Variants in PDHA1 observed in about 807,000 individuals in gnomAD.
PDHA1 encodes pyruvate dehydrogenase E1 subunit alpha 1.
A neutral mutation model predicts 33.0 loss-of-function variants in PDHA1; 1 was observed. That is an observed-to-expected ratio of 0.03 (90% CI 0.01 to 0.14). The LOEUF is 0.14. Among genes scored for constraint, PDHA1 ranks in the 10% least tolerant of loss-of-function variants. The probability of loss-of-function intolerance (pLI) is 1.00; values close to 1 mark genes in which losing one functional copy is unlikely to be tolerated. For synonymous variants in PDHA1, 123 were observed against 119.2 expected (o/e 1.03, Z -0.21); for missense variants, 168 against 325.1 (o/e 0.52, Z 3.72).
chrX:19,357,617 CCTAA>C (rs759125297), intron 8 of PDHA1, 31 bp from the exon 9 acceptor site: 344 of 1,148,444 alleles, frequency 3.0e-4, no homozygotes, highest in Admixed American at 6.1e-4. Context: ...AGTCATCGTT[CCTAA>C]CTAACTAACT....
chrX:19,360,798 G>GA lies in PDHA1; in HGVS notation c.*1146dup. On this transcript the variant is annotated 3_prime_UTR_variant, in exon 11 of 11. Coordinates refer to ENST00000422285, the MANE Select transcript of PDHA1 (RefSeq NM_000284.4). ...GGCCTCCTGAGCCCTTCTGTACTGGGAGACCGCACTCCAGAGTCTGCAGAG... is the reference window on the plus strand; with the variant it reads ...GGCCTCCTGAGCCCTTCTGTACTGGGAAGACCGCACTCCAGAGTCTGCAGAG... The GA allele has an allele frequency of 8.3e-7, 1 of 1,209,272 alleles. No individual in the cohort carries two copies. The highest frequency in any genetic ancestry group is 1.1e-6 in the Non-Finnish European group (1 of 894,486).
chrX:19,355,019 A>T (rs2063186061), intron 6 of PDHA1, among the ~76,000 whole-genome samples: 4 of 112,712 alleles, frequency 3.5e-5, no homozygotes, highest in Non-Finnish European at 7.5e-5. Flanking sequence ...CTAGAGGCTG[A>T]TTCTTAGGTG....
Position 19,359,015 on chromosome X carries a change from A to C in PDHA1, c.999A>C (p.Glu333Asp), listed in dbSNP as rs2228067. 2.1e-4 allele frequency: 236 copies of C among 1,148,669 alleles called. No homozygotes were observed. The African/African-American group carries it at 3.5e-3, about 17-fold the overall frequency. The allele number at this position is 1,148,669 out of a possible 1,213,427, so 94.7% of individuals were successfully genotyped here. A position where few individuals can be genotyped will look rare whatever the true frequency, so the allele number is the denominator to read the frequency against. ...TGAACAGCAATCTTGCCAGTGTGGAAGAACTAAAGGTACAGTCACTTGTTC... is the reference window on the plus strand; with the variant it reads ...TGAACAGCAATCTTGCCAGTGTGGACGAACTAAAGGTACAGTCACTTGTTC... ...RMVNSNLASV[E>D]ELKEIDVEVR... Residue 333 changes from glutamate to aspartate, a missense_variant, in exon 10 of 11, where the codon GAA becomes GAC. Coordinates refer to ENST00000422285, the MANE Select transcript of PDHA1 (RefSeq NM_000284.4).
At chrX:19,358,707 T>G (rs1465911659) in intron 9 of PDHA1, among the ~76,000 whole-genome samples, 1 of 112,027 alleles carries the variant, frequency 8.9e-6, no homozygotes, top group Admixed American at 9.5e-5. Flanking sequence ...TTACAGAATG[T>G]TAGGCTGCGT....
chrX:19,355,022 C>A (rs1036651816), intron 6 of PDHA1, among the ~76,000 whole-genome samples: 1 of 112,739 alleles, frequency 8.9e-6, no homozygotes, highest in African/African-American at 3.2e-5. Context: ...GAGGCTGATT[C>A]TTAGGTGCTG....
chrX:19,359,971 T>C lies in PDHA1; in HGVS notation c.*318T>C. 6.5e-6 allele frequency: 2 copies of C among 306,757 alleles called. No homozygotes were observed. Among genetic ancestry groups the C allele is most frequent in the Non-Finnish European group, 1.2e-5 (2 of 168,873 alleles). The allele number at this position is 306,757 out of a possible 1,213,427, so 25.3% of individuals were successfully genotyped here. Reference sequence around the variant, plus strand: ...CCACCTTTTTGGGAGGAGACCATTATGGCGGGGCCCCTCACAGCATTCTAC... The same window carrying C: ...CCACCTTTTTGGGAGGAGACCATTACGGCGGGGCCCCTCACAGCATTCTAC... On this transcript the variant is annotated 3_prime_UTR_variant, in exon 11 of 11. Transcript: ENST00000422285.
At position 19,359,981 on chromosome X, in the gene PDHA1, C is replaced by G. The variant is rs2063259040; in HGVS notation, c.*328C>G. 2 of 297,515 alleles carry G rather than the reference C, an allele frequency of 6.7e-6. No individual in the cohort carries two copies. The highest frequency in any genetic ancestry group is 1.2e-5 in the Non-Finnish European group (2 of 163,872). 24.5% of individuals were successfully genotyped at this position (297,515 alleles called of 1,213,427 possible). ...GGGAGGAGACCATTATGGCGGGGCC[C>G]CTCACAGCATTCTACCAACCATAGC... On this transcript the variant is annotated 3_prime_UTR_variant, in exon 11 of 11. Transcript: ENST00000422285.
At chrX:19,344,188 G>C (rs2147168857) in intron 1 of PDHA1, 94 bp downstream of exon 1, 1 of 775,897 alleles carries the variant, frequency 1.3e-6, no homozygotes, top group Admixed American at 2.9e-5. Context: ...CCAGAGCGGG[G>C]TGGAAGGCGC....
chrX:19,344,097 G>A lies in PDHA1; in HGVS notation c.57+3G>A. On this transcript the variant is annotated splice_donor_region_variant and intron_variant, in intron 1 of 10. Coordinates refer to ENST00000422285, the MANE Select transcript of PDHA1 (RefSeq NM_000284.4). The stretch of plus-strand genomic sequence containing the variant: ...TGTCTGGCGCTTCTCAGAAGCCGGT[G>A]AGACCTCCCGGGCGGGCCGGGATGG... The A allele has an allele frequency of 8.3e-7, 1 of 1,200,513 alleles. No homozygotes were observed. Among genetic ancestry groups the A allele is most frequent in the African/African-American group, 1.7e-5 (1 of 57,777 alleles).
chrX:19,359,699 T>G lies in PDHA1; in HGVS notation c.*46T>G. ...ATACCTTCAGGGGGCTACCAGACAG[T>G]GTTCTCAACTTGGTTAAGGAGGAAG... is the stretch of plus-strand genomic sequence containing the variant. On this transcript the variant is annotated 3_prime_UTR_variant, in exon 11 of 11. Transcript: ENST00000422285. The G allele has an allele frequency of 9.1e-7, 1 of 1,102,825 alleles. No individual in the cohort carries two copies. Among genetic ancestry groups the G allele is most frequent in the South Asian group, 1.8e-5 (1 of 54,536 alleles). 90.9% of individuals were successfully genotyped at this position (1,102,825 alleles called of 1,213,427 possible).
chrX:19,358,757 TATAGTGAC>T (rs1474400295), intron 9 of PDHA1, among the ~76,000 whole-genome samples, 151 bp from the exon 10 acceptor site: 10 of 111,852 alleles, frequency 8.9e-5, no homozygotes, highest in African/African-American at 3.3e-4. Context: ...CTGCCACGCC[TATAGTGAC>T]ATAAGCATTG....
At chrX:19,357,524 A>AACTC (rs1437856677) in intron 8 of PDHA1, 128 bp from the exon 9 acceptor site, 14 of 577,225 alleles carry the variant, frequency 2.4e-5, no homozygotes, top group East Asian at 6.5e-5. Flanking sequence ...AATTCGTGAC[A>AACTC]ACTCAGAAGA....
chrX:19,353,066 G>C lies in PDHA1; in HGVS notation c.419-16G>C. On this transcript the variant is annotated splice_polypyrimidine_tract_variant and intron_variant, in intron 4 of 10. Coordinates refer to ENST00000422285, the MANE Select transcript of PDHA1 (RefSeq NM_000284.4). ...GTTGGTTTGTTCTGCACATGTGTATGTTCTGCCATTTCCAGGACGAAAAGG... is the reference window on the plus strand; with the variant it reads ...GTTGGTTTGTTCTGCACATGTGTATCTTCTGCCATTTCCAGGACGAAAAGG... 1 of 1,187,475 alleles carries C rather than the reference G, an allele frequency of 8.4e-7. No homozygotes were observed. The highest frequency in any genetic ancestry group is 3.0e-5 in the East Asian group (1 of 33,756).
chrX:19,355,759 T>TAAGGCTCTA lies in PDHA1; in HGVS notation c.831+6_831+14dup. 8.4e-7 allele frequency: 1 copy of TAAGGCTCTA among 1,185,529 alleles called. No individual in the cohort carries two copies. The highest frequency in any genetic ancestry group is 1.1e-6 in the Non-Finnish European group (1 of 872,106). On this transcript the variant is annotated splice_region_variant and intron_variant, in intron 8 of 10. Coordinates refer to ENST00000422285, the MANE Select transcript of PDHA1 (RefSeq NM_000284.4). ...GCTGCCTATTGTAGATCTGGGAAGGTAAGGCTCTAAAGCCCTCTGGGCTAG... is the reference window on the plus strand; with the variant it reads ...GCTGCCTATTGTAGATCTGGGAAGGTAAGGCTCTAAAGGCTCTAAAGCCCTCTGGGCTAG...
intron 1 of PDHA1, 94 bp downstream of exon 1, chrX:19,344,188 G>A: frequency 1.3e-6 from 1 of 777,044 alleles, no homozygotes; most frequent in Non-Finnish European, 1.9e-6. Context: ...CCAGAGCGGG[G>A]TGGAAGGCGC....
At chrX:19,356,010 T>G (rs775639805) in intron 8 of PDHA1, among the ~76,000 whole-genome samples, 1 of 112,147 alleles carries the variant, frequency 8.9e-6, no homozygotes, top group Non-Finnish European at 1.9e-5. Context: ...TCATGACAAC[T>G]GATTTGCCTT....
At position 19,343,994 on chromosome X, in the gene PDHA1, C is replaced by T; in HGVS notation, c.-44C>T. On this transcript the variant is annotated 5_prime_UTR_variant, in exon 1 of 11. Coordinates refer to ENST00000422285, the MANE Select transcript of PDHA1 (RefSeq NM_000284.4). ...ACTTGGGGGCACCCGCGTCGTGCCT[C>T]CTGGGTTGTGAGGAGTCGCCGCTGC... The T allele has an allele frequency of 5.9e-6, 7 of 1,181,423 alleles. No individual in the cohort carries two copies. Among genetic ancestry groups the T allele is most frequent in the Non-Finnish European group, 8.0e-6 (7 of 870,732 alleles).
chrX:19,360,257 T>G lies in PDHA1; in HGVS notation c.*604T>G. ...AGGCACATTCGTATCAGTTTTGTGTTTCTCAAATTGAAGTACCATACCAGT... is the reference window on the plus strand; with the variant it reads ...AGGCACATTCGTATCAGTTTTGTGTGTCTCAAATTGAAGTACCATACCAGT... On this transcript the variant is annotated 3_prime_UTR_variant, in exon 11 of 11. Coordinates refer to ENST00000422285, the MANE Select transcript of PDHA1 (RefSeq NM_000284.4). The G allele has an allele frequency of 7.4e-6, 1 of 134,925 alleles. No homozygotes were observed. The highest frequency in any genetic ancestry group is 2.1e-4 in the South Asian group (1 of 4,849). 11.1% of individuals were successfully genotyped at this position (134,925 alleles called of 1,213,427 possible).
intron 1 of PDHA1, among the ~76,000 whole-genome samples, chrX:19,348,618 T>C (rs1430523587): frequency 8.9e-6 from 1 of 112,568 alleles, no homozygotes; most frequent in Non-Finnish European, 1.9e-5. Context: ...TTTGGCTTGC[T>C]CAAAATGAAC....
Sources: gnomAD v4.1 joint callset for allele counts (sites outside exome capture counted in the v4.1 genomes callset) on GRCh38, gnomAD v4.1.1 for gene constraint, MANE v1.5 for transcripts, NCBI Gene and HGNC (gene_info 2026-07-23, HGNC 2026-07-21) for gene names.